The following C1S variants were observed in gnomAD, a reference collection of about 807,000 sequenced individuals.
C1S encodes complement C1s subcomponent.
A neutral mutation model predicts 54.0 loss-of-function variants in C1S; 31 were observed. The ratio of observed to expected loss-of-function variants is 0.57; its 90% confidence interval spans 0.43 to 0.78. C1S has a LOEUF of 0.78. Among genes scored for constraint, C1S ranks in the 30% least tolerant of loss-of-function variants. The pLI, the probability that C1S is intolerant of heterozygous loss-of-function variation, is 0.00. For missense variants in C1S, 727 were observed against 851.8 expected, an observed-to-expected ratio of 0.85 and a Z score of 1.82; for synonymous variants, 292 against 303.6, an observed-to-expected ratio of 0.96 and a Z score of 0.40.
In C1S at chr12:7,070,281, T is replaced by G; in HGVS notation, c.1697T>G (p.Leu566Arg). 2 of 1,614,226 alleles carry G rather than the reference T, an allele frequency of 1.2e-6. No homozygotes were observed. The highest frequency in any genetic ancestry group is 1.7e-6 in the Non-Finnish European group (2 of 1,180,022). Residue 566 changes from leucine (L) to arginine (R), a missense_variant, in exon 12 of 12, where the codon CTG becomes CGG. By Grantham distance (102) the Leu-to-Arg change is moderately radical. Coordinates refer to ENST00000360817, the MANE Select transcript of C1S (RefSeq NM_001734.5). This position sits in a 1 kb window ranked among gnomAD's most constrained non-coding sequence, Gnocchi z 4.9. The part of the protein sequence containing the change: ...DYNLMDGDLG[L>R]ISGWGRTEKR... ...AACCTCATGGATGGGGACCTGGGAC[T>G]GATCTCAGGCTGGGGCCGAACAGAG... is the stretch of plus-strand genomic sequence containing the variant.
At chr12:7,061,687 G>C (rs2135719986) in intron 1 of C1S, 152 bp from the exon 2 acceptor site, 1 of 651,270 alleles carries the variant, frequency 1.5e-6, no homozygotes, top group South Asian at 1.7e-5. Flanking sequence ...ACTAGGGAGG[G>C]TGTGAGGGGC....
In C1S at chr12:7,065,741, A is replaced by G. The variant is rs1334502781; in HGVS notation, c.718-76A>G. 5 of 1,213,804 alleles carry G rather than the reference A, an allele frequency of 4.1e-6. No individual in the cohort carries two copies. In the African/African-American group the frequency reaches 6.1e-5, roughly 15 times the overall value. 75.2% of individuals were successfully genotyped at this position (1,213,804 alleles called of 1,614,324 possible). On this transcript the variant is annotated intron_variant, in intron 6 of 11. Coordinates refer to ENST00000360817, the MANE Select transcript of C1S (RefSeq NM_001734.5). ...TTATGTGACATTTAATGCCTCTTTT[A>G]TTTGTATCTCCCACTTCCCAATTTT...
In C1S at chr12:7,065,134, T is replaced by A. The variant is rs782785345; in HGVS notation, c.552T>A (p.Ile184=). The A allele has an allele frequency of 1.9e-6, 3 of 1,614,074 alleles. No homozygotes were observed. Among genetic ancestry groups the A allele is most frequent in the African/African-American group, 2.7e-5 (2 of 75,012 alleles). The change falls in exon 6 of 12, where the codon ATT becomes ATA. Residue 184 remains isoleucine, a synonymous_variant. Transcript: ENST00000360817. ...NCSGDVFTAL[I]GEIASPNYPK... ...GTGGGGATGTATTCACTGCACTGAT[T>A]GGGGAGATTGCAAGTCCCAATTATC...
At chr12:7,067,483 G>T (rs1409013362) in intron 9 of C1S, 160 bp from the exon 10 acceptor site, 15 of 822,414 alleles carry the variant, frequency 1.8e-5, no homozygotes, top group Non-Finnish European at 2.7e-5. Flanking sequence ...AGAGATGCCA[G>T]TTGGGGAGGA....
chr12:7,064,140 G>T, intron 4 of C1S, 127 bp from the exon 5 acceptor site: 1 of 935,364 alleles, frequency 1.1e-6, no homozygotes, highest in African/African-American at 1.6e-5. Flanking sequence ...CCTGAAATGT[G>T]ATCCCTTGAC....
At position 7,069,896 on chromosome 12, in the gene C1S, A is replaced by G. The variant is rs1555162900; in HGVS notation, c.1312A>G (p.Ile438Val). 1 of 1,614,156 alleles carries G rather than the reference A, an allele frequency of 6.2e-7. No homozygotes were observed. The highest frequency in any genetic ancestry group is 1.7e-5 in the Admixed American group (1 of 60,028). Reference sequence around the variant, plus strand: ...AGAACCCTTTGAAGAAAAACAGAGGATAATTGGAGGATCCGATGCAGATAT... The same window carrying G: ...AGAACCCTTTGAAGAAAAACAGAGGGTAATTGGAGGATCCGATGCAGATAT... ...PREPFEEKQR[I>V]IGGSDADIKN... The change falls in exon 12 of 12, where the codon ATA becomes GTA. Residue 438 changes from isoleucine to valine, a missense_variant. Ile to Val is a conservative substitution (Grantham distance 29). Coordinates refer to ENST00000360817, the MANE Select transcript of C1S (RefSeq NM_001734.5).
intron 2 of C1S, 172 bp from the exon 3 acceptor site, chr12:7,062,303 C>T (rs2135720726): frequency 4.7e-6 from 3 of 634,472 alleles, no homozygotes; most frequent in East Asian, 5.6e-5. Flanking sequence ...TTGTCTGAAG[C>T]CTGGGTTTTG....
In C1S at chr12:7,062,232, C is replaced by T. The variant is rs1281749852; in HGVS notation, c.6-243C>T. 5.3e-6 allele frequency: 3 copies of T among 569,592 alleles called. No individual in the cohort carries two copies. In the African/African-American group the frequency reaches 5.8e-5, roughly 11 times the overall value. 35.3% of individuals were successfully genotyped at this position (569,592 alleles called of 1,614,324 possible). A position where few individuals can be genotyped will look rare whatever the true frequency, so the allele number is the denominator to read the frequency against. ...GCTGCAGTGACCTGAGATCGCACCA[C>T]TGCACTCCAGCCTGGGTGACAGAGT... On this transcript the variant is annotated intron_variant, in intron 2 of 11. Coordinates refer to ENST00000360817, the MANE Select transcript of C1S (RefSeq NM_001734.5).
chr12:7,066,911 T>C, intron 8 of C1S, 128 bp from the exon 9 acceptor site: 1 of 767,264 alleles, frequency 1.3e-6, no homozygotes, highest in Non-Finnish European at 2.3e-6. Flanking sequence ...TTAGGTCTGC[T>C]AAGATGTTCC....
Position 7,070,395 on chromosome 12 carries a change from C to T in C1S, c.1811C>T (p.Thr604Ile), listed in dbSNP as rs1276447463. The T allele has an allele frequency of 1.2e-6, 2 of 1,614,130 alleles. No individual in the cohort carries two copies. Among genetic ancestry groups the T allele is most frequent in the Non-Finnish European group, 1.7e-6 (2 of 1,180,050 alleles). Residue 604 changes from threonine to isoleucine, a missense_variant, in exon 12 of 12, where the codon ACA becomes ATA. By Grantham distance (89) the Thr-to-Ile change is moderately conservative (BLOSUM62 -1). Coordinates refer to ENST00000360817, the MANE Select transcript of C1S (RefSeq NM_001734.5). The surrounding 1 kb of genome is among the most constrained non-coding windows in gnomAD (Gnocchi z 4.9). ...AAAGAAGTGAAAGTGGAGAAACCCA[C>T]AGCAGATGCAGAGGCCTATGTTTTC... is the stretch of plus-strand genomic sequence containing the variant. ...KCKEVKVEKP[T>I]ADAEAYVFTP... is the part of the protein sequence containing the mutation.
rs782243236 is a variant in C1S at position 7,068,412 on chromosome 12, A to T, written c.1196-44A>T. ...GTCGGAGGGGGGAATGGAAGAAGGA[A>T]GATGTGGTGGTGAGTGTGGCCTGTG... On this transcript the variant is annotated intron_variant, in intron 10 of 11. Coordinates refer to ENST00000360817, the MANE Select transcript of C1S (RefSeq NM_001734.5). 4 of 1,384,296 alleles carry T rather than the reference A, an allele frequency of 2.9e-6. No homozygotes were observed. The African/African-American group carries it at 5.7e-5, about 20-fold the overall frequency. The allele number at this position is 1,384,296 out of a possible 1,614,324, so 85.8% of individuals were successfully genotyped here.
chr12:7,065,223 T>A lies in C1S; in HGVS notation c.641T>A (p.Val214Glu). 1 of 1,614,126 alleles carries A rather than the reference T, an allele frequency of 6.2e-7. No individual in the cohort carries two copies. The highest frequency in any genetic ancestry group is 8.5e-7 in the Non-Finnish European group (1 of 1,179,964). The change falls in exon 6 of 12, where the codon GTG (valine) becomes GAG (glutamate). Residue 214 changes from valine (V) to glutamate (E), a missense_variant. Around this residue, in one of 3 missense-constraint regions of C1S, gnomAD observed 357 missense variants for 365.4 expected, o/e 0.98. Transcript: ENST00000360817. ...YQIRLEKGFQ[V>E]VVTLRREDFD... ...ATCCGGTTGGAGAAAGGGTTCCAAGTGGTGGTGACCTTGCGGAGAGAAGAT... is the reference window on the plus strand; with the variant it reads ...ATCCGGTTGGAGAAAGGGTTCCAAGAGGTGGTGACCTTGCGGAGAGAAGAT...
intron 3 of C1S, 72 bp from the exon 4 acceptor site, chr12:7,062,818 C>T: frequency 1.3e-6 from 2 of 1,560,280 alleles, no homozygotes; most frequent in East Asian, 2.2e-5. Flanking sequence ...TCTATTCTCT[C>T]TGTCCCTTCT....
At position 7,065,091 on chromosome 12, in the gene C1S, C is replaced by A; in HGVS notation, c.518-9C>A. 1 of 1,607,636 alleles carries A rather than the reference C, an allele frequency of 6.2e-7. No homozygotes were observed. Among genetic ancestry groups the A allele is most frequent in the South Asian group, 1.1e-5 (1 of 90,938 alleles). On this transcript the variant is annotated splice_polypyrimidine_tract_variant and intron_variant, in intron 5 of 11. Coordinates refer to ENST00000360817, the MANE Select transcript of C1S (RefSeq NM_001734.5). ...TATTTGATTCTCCCTTTCTCTTTTT[C>A]TCTGTTAGTTAATTGCAGTGGGGAT...
At chr12:7,066,947 C>A in intron 8 of C1S, 92 bp from the exon 9 acceptor site, 2 of 930,890 alleles carry the variant, frequency 2.1e-6, no homozygotes, top group Non-Finnish European at 3.6e-6. Context: ...GAGGACTCCT[C>A]ATTGATCCAA....
rs183367086 is a variant in C1S, at chr12:7,070,867, C to T, written c.*216C>T. 373 of 590,476 alleles carry T rather than the reference C, an allele frequency of 6.3e-4. 4 individuals carry two copies. In the East Asian group the frequency reaches 0.011, roughly 17 times the overall value. 36.6% of individuals were successfully genotyped at this position (590,476 alleles called of 1,614,324 possible). ...GTCTGACTCCTTGGGGTCCTTTCCC[C>T]GGAGTACCTATTGTAGATAACACTA... is the stretch of plus-strand genomic sequence containing the variant. On this transcript the variant is annotated 3_prime_UTR_variant, in exon 12 of 12. Coordinates refer to ENST00000360817, the MANE Select transcript of C1S (RefSeq NM_001734.5). The surrounding 1 kb of genome is among the most constrained non-coding windows in gnomAD (Gnocchi z 4.9).
chr12:7,061,708 G>C (rs1555161284), intron 1 of C1S, 131 bp from the exon 2 acceptor site: 2 of 682,216 alleles, frequency 2.9e-6, no homozygotes, highest in Non-Finnish European at 5.4e-6. Context: ...ACGGTGCCAT[G>C]TGGGGATGTT....
At chr12:7,062,762 C>T in intron 3 of C1S, 80 bp downstream of exon 3, 3 of 1,496,456 alleles carry the variant, frequency 2.0e-6, no homozygotes, top group Non-Finnish European at 1.8e-6. Context: ...GGGAGTGCCA[C>T]CTGTACTCAC....
At position 7,065,262 on chromosome 12, in the gene C1S, C is replaced by T. The variant is rs139443782; in HGVS notation, c.680C>T (p.Ala227Val). 76 of 1,613,976 alleles carry T rather than the reference C, an allele frequency of 4.7e-5. No homozygotes were observed. In the African/African-American group the frequency reaches 9.7e-4, roughly 21 times the overall value. ...TLRREDFDVE[A>V]ADSAGNCLDS... ...CGGAGAGAAGATTTTGATGTGGAAG[C>T]AGCTGACTCAGCGGGAAACTGCCTT... The change falls in exon 6 of 12, where the codon GCA becomes GTA. Residue 227 changes from alanine to valine, a missense_variant. By Grantham distance (64) the Ala-to-Val change is moderately conservative (BLOSUM62 0). Transcript: ENST00000360817.
Sources: allele counts gnomAD v4.1 joint callset, GRCh38; gene constraint gnomAD v4.1.1; regional missense constraint gnomAD v4.1.1; non-coding constraint Gnocchi (gnomAD v3.1); transcripts MANE v1.5; gene names NCBI Gene and HGNC (gene_info 2026-07-23, HGNC 2026-07-21).